The following PHACTR2 variants were observed in gnomAD, a reference collection of about 807,000 sequenced individuals.
PHACTR2 encodes the protein phosphatase and actin regulator 2, also known as chromosome 6 open reading frame 56.
PHACTR2 carries 30 observed loss-of-function variants against 76.0 expected under a neutral mutation model. The observed-to-expected ratio is 0.39, with a 90% CI of 0.30 to 0.54. The LOEUF (loss-of-function observed/expected upper bound fraction) is 0.54. Among genes scored for constraint, PHACTR2 ranks in the 20% least tolerant of loss-of-function variants. PHACTR2 has a pLI of 0.61. For missense variants in PHACTR2, 696 were observed against 781.1 expected (o/e 0.89, Z 1.30); for synonymous variants, 292 against 292.5 (o/e 1.00, Z 0.02).
Position 143,618,779 on chromosome 6 carries a change from C to T in PHACTR2, c.13+10457C>T, listed in dbSNP as rs144061269. Among the ~76,000 whole-genome samples, 43 of 152,252 alleles carry T rather than the reference C, an allele frequency of 2.8e-4. No individual in the cohort carries two copies. In the East Asian group the frequency reaches 7.2e-3, roughly 25 times the overall value. On this transcript the variant is annotated intron_variant, in intron 1 of 11. Coordinates refer to the PHACTR2 transcript ENST00000305766. The surrounding 1 kb of genome is among the most constrained non-coding windows in gnomAD (Gnocchi z 5.2). ...TTGCTCCAAACCATCCTCAACTCCT[C>T]TGGATAGAATGAGTGTTCTCACTCC... is the stretch of plus-strand genomic sequence containing the variant.
chr6:143,698,408 G>A lies in PHACTR2; in HGVS notation c.47-13608G>A, dbSNP rs1777821813. ...ACTAGTGGAATTGTTTCTCTCAAGA[G>A]AATTAGGTGTACAAACCAAGGAATG... On this transcript the variant is annotated intron_variant, in intron 1 of 12. Transcript: ENST00000440869. The surrounding 1 kb of genome is among the most constrained non-coding windows in gnomAD (Gnocchi z 4.3). 6.6e-6 allele frequency among the ~76,000 whole-genome samples: 1 copy of A among 152,190 alleles called. No individual in the cohort carries two copies. Among genetic ancestry groups the A allele is most frequent in the African/African-American group, 2.4e-5 (1 of 41,444 alleles).
At position 143,549,311 on chromosome 6, in the gene PHACTR2, C is replaced by T. The variant is rs867314321; in HGVS notation, c.217+12104C>T. ...TCAAACCCTTGCTTTCTGGGGATTACGTCCCCAAGGGTGACCCTGGATTCA... is the reference window on the plus strand; with the variant it reads ...TCAAACCCTTGCTTTCTGGGGATTATGTCCCCAAGGGTGACCCTGGATTCA... On this transcript the variant is annotated intron_variant, in intron 1 of 11. Transcript: ENST00000367584. The surrounding 1 kb of genome is among the most constrained non-coding windows in gnomAD (Gnocchi z 4.2). 9.9e-5 allele frequency among the ~76,000 whole-genome samples: 15 copies of T among 152,212 alleles called. No individual in the cohort carries two copies. The Middle Eastern group carries it at 0.01, about 104-fold the overall frequency.
Position 143,784,782 on chromosome 6 carries a change from C to T in PHACTR2, c.1707+1502C>T, listed in dbSNP as rs114637778. On this transcript the variant is annotated intron_variant, in intron 10 of 12. Coordinates refer to ENST00000440869, the MANE Select transcript of PHACTR2 (RefSeq NM_001100164.2). The surrounding 1 kb of genome is among the most constrained non-coding windows in gnomAD (Gnocchi z 4.5). Reference sequence around the variant, plus strand: ...GCAAAAGGCTCTTCTAACATGGTGGCGGCAAAAGAAAATGAGGAGGGGAAG... The same window carrying T: ...GCAAAAGGCTCTTCTAACATGGTGGTGGCAAAAGAAAATGAGGAGGGGAAG... Among the ~76,000 whole-genome samples the T allele has an allele frequency of 6.2e-3, 939 of 152,092 alleles. 7 individuals are homozygous for T. Among genetic ancestry groups the T allele is most frequent in the Middle Eastern group, 0.01 (3 of 294 alleles).
chr6:143,718,106 T>A (rs1174630795), intron 2 of PHACTR2, among the ~76,000 whole-genome samples: 1 of 152,148 alleles, frequency 6.6e-6, no homozygotes, highest in Non-Finnish European at 1.5e-5. Flanking sequence ...TTTGTGTTGG[T>A]GGTAATAGAA....
At chr6:143,723,686 G>T (rs138868903) in intron 2 of PHACTR2, among the ~76,000 whole-genome samples, 1 of 152,134 alleles carries the variant, frequency 6.6e-6, no homozygotes, top group Non-Finnish European at 1.5e-5. Flanking sequence ...CAGAGTATAC[G>T]TGGAGATCGA....
At chr6:143,707,854 ATAAT>A (rs1778088438) in intron 1 of PHACTR2, among the ~76,000 whole-genome samples, 1 of 152,186 alleles carries the variant, frequency 6.6e-6, no homozygotes, top group South Asian at 2.1e-4. Flanking sequence ...CAGGAAACTT[ATAAT>A]CATGGCACGT....
intron 1 of PHACTR2, among the ~76,000 whole-genome samples, chr6:143,572,265 C>A (rs1775453735): frequency 1.3e-5 from 2 of 152,128 alleles, no homozygotes; most frequent in African/African-American, 4.8e-5. Flanking sequence ...TGACACCTTC[C>A]CTCTTTGCTG....
intron 9 of PHACTR2, among the ~76,000 whole-genome samples, chr6:143,781,005 A>G (rs1775415900): frequency 6.6e-6 from 1 of 152,216 alleles, no homozygotes; most frequent in Non-Finnish European, 1.5e-5. Context: ...AGAAGCTGTC[A>G]TGGTAGCTCA....
intron 12 of PHACTR2, among the ~76,000 whole-genome samples, chr6:143,817,981 A>G (rs1383554386): frequency 6.6e-6 from 1 of 152,214 alleles, no homozygotes; most frequent in East Asian, 1.9e-4. Flanking sequence ...AAAAAGCTAG[A>G]AGAGAGAATT....
At position 143,751,956 on chromosome 6, in the gene PHACTR2, A is replaced by G. The variant is rs1481375612; in HGVS notation, c.296-1798A>G. Among the ~76,000 whole-genome samples the G allele has an allele frequency of 6.6e-6, 1 of 152,082 alleles. No individual in the cohort carries two copies. Among genetic ancestry groups the G allele is most frequent in the Non-Finnish European group, 1.5e-5 (1 of 67,994 alleles). ...CCTCTGTTTTGTTCTTGAATTCCAT[A>G]TTTATCACAAATGTGTCTCTTTTTT... On this transcript the variant is annotated intron_variant, in intron 3 of 12. Coordinates refer to ENST00000440869, the MANE Select transcript of PHACTR2 (RefSeq NM_001100164.2). The surrounding 1 kb of genome is among the most constrained non-coding windows in gnomAD (Gnocchi z 5.7).
chr6:143,718,467 T>C (rs992244640), intron 2 of PHACTR2, among the ~76,000 whole-genome samples: 4 of 152,328 alleles, frequency 2.6e-5, no homozygotes, highest in Admixed American at 1.3e-4. Context: ...CATTCACTAG[T>C]TGCATCTCTA....
At chr6:143,744,227 G>A (rs535466577) in intron 2 of PHACTR2, among the ~76,000 whole-genome samples, 1 of 152,346 alleles carries the variant, frequency 6.6e-6, no homozygotes. Context: ...GGAGAAGACA[G>A]AAGATTCTTG....
rs746725445 is a variant in PHACTR2, at chr6:143,753,776, T to C, written c.318T>C (p.Phe106=). The part of the protein sequence containing the change: ...PDQDGDVTVN[F]ENSNGHMIPI... ...TAGATGGAGATGTAACAGTTAACTT[T>C]GAAAATTCAAACGGGCACATGATAC... The change falls in exon 4 of 13, where the codon TTT becomes TTC. Residue 106 remains phenylalanine, a synonymous_variant. Transcript: ENST00000440869. This position sits in a 1 kb window ranked among gnomAD's most constrained non-coding sequence, Gnocchi z 4.6. 1.9e-6 allele frequency: 3 copies of C among 1,600,272 alleles called. No homozygotes were observed. Among genetic ancestry groups the C allele is most frequent in the African/African-American group, 2.7e-5 (2 of 73,990 alleles).
rs1426278980 is a variant in PHACTR2 at position 143,619,625 on chromosome 6, C to T, written c.13+11303C>T. 1.3e-5 allele frequency among the ~76,000 whole-genome samples: 2 copies of T among 152,148 alleles called. No individual in the cohort carries two copies. The highest frequency in any genetic ancestry group is 4.8e-5 in the African/African-American group (2 of 41,428). On this transcript the variant is annotated intron_variant, in intron 1 of 11. Coordinates refer to the PHACTR2 transcript ENST00000305766. The surrounding 1 kb of genome is among the most constrained non-coding windows in gnomAD (Gnocchi z 4.5). ...CCTCCACTTACTGTGGAAAGGGACT[C>T]GGTAGCTTTTGTATCATTAACTGAG... is the stretch of plus-strand genomic sequence containing the variant.
rs1007512497 is a variant in PHACTR2 at position 143,819,718 on chromosome 6, G to T, written c.1923-3956G>T. ...ACATAGTCTCCTTTTCTCTGTTTTT[G>T]TCCTCTCTGGCTCTCTGGCAGATTG... is the stretch of plus-strand genomic sequence containing the variant. On this transcript the variant is annotated intron_variant, in intron 12 of 12. Transcript: ENST00000440869. The surrounding 1 kb of genome is among the most constrained non-coding windows in gnomAD (Gnocchi z 5.0). Among the ~76,000 whole-genome samples the T allele has an allele frequency of 3.9e-5, 6 of 152,088 alleles. No homozygotes were observed. Among genetic ancestry groups the T allele is most frequent in the African/African-American group, 1.4e-4 (6 of 41,404 alleles).
rs1329846681 is a variant in PHACTR2 at position 143,662,704 on chromosome 6, A to G, written c.14-49312A>G. Among the ~76,000 whole-genome samples, 2 of 152,088 alleles carry G rather than the reference A, an allele frequency of 1.3e-5. No individual in the cohort carries two copies. Among genetic ancestry groups the G allele is most frequent in the Non-Finnish European group, 2.9e-5 (2 of 68,014 alleles). On this transcript the variant is annotated intron_variant, in intron 1 of 11. Transcript: ENST00000305766. The surrounding 1 kb of genome is among the most constrained non-coding windows in gnomAD (Gnocchi z 4.7). Reference sequence around the variant, plus strand: ...TTTTGTTTTTCATCTTGAATTGTGAATTGTCTTCACCTATATTACAATTAG... The same window carrying G: ...TTTTGTTTTTCATCTTGAATTGTGAGTTGTCTTCACCTATATTACAATTAG...
At position 143,698,370 on chromosome 6, in the gene PHACTR2, T is replaced by G. The variant is rs1777820801; in HGVS notation, c.47-13646T>G. 1.3e-5 allele frequency among the ~76,000 whole-genome samples: 2 copies of G among 152,248 alleles called. No homozygotes were observed. Among genetic ancestry groups the G allele is most frequent in the African/African-American group, 4.8e-5 (2 of 41,460 alleles). ...AAGGCATCATTATTATAAAATTATT[T>G]TTTTAAAAAGCAACTAGTGGAATTG... On this transcript the variant is annotated intron_variant, in intron 1 of 12. Transcript: ENST00000440869. This position sits in a 1 kb window ranked among gnomAD's most constrained non-coding sequence, Gnocchi z 4.3.
At position 143,800,537 on chromosome 6, in the gene PHACTR2, A is replaced by C. The variant is rs1190705944; in HGVS notation, c.1846-6520A>C. ...CGGCCTCCCAAAGTGCTGGGATTAC[A>C]GGTGTGAGCCACCGCACCCAGCCCA... is the stretch of plus-strand genomic sequence containing the variant. On this transcript the variant is annotated intron_variant, in intron 11 of 12. Transcript: ENST00000440869. The surrounding 1 kb of genome is among the most constrained non-coding windows in gnomAD (Gnocchi z 4.8). 6.6e-6 allele frequency among the ~76,000 whole-genome samples: 1 copy of C among 152,182 alleles called. No homozygotes were observed. Among genetic ancestry groups the C allele is most frequent in the Non-Finnish European group, 1.5e-5 (1 of 68,046 alleles).
rs200513974 is a variant in PHACTR2 at position 143,573,304 on chromosome 6, C to T, written c.217+36097C>T. Among the ~76,000 whole-genome samples, 15 of 152,322 alleles carry T rather than the reference C, an allele frequency of 9.8e-5. No homozygotes were observed. In the East Asian group the frequency reaches 1.9e-3, roughly 20 times the overall value. On this transcript the variant is annotated intron_variant, in intron 1 of 11. Transcript: ENST00000367584. ...GGCTTTGGCCAGTCATCAATGGCTGCGTGCTTGGTTTAAGGGTGTGTCCTT... is the reference window on the plus strand; with the variant it reads ...GGCTTTGGCCAGTCATCAATGGCTGTGTGCTTGGTTTAAGGGTGTGTCCTT...
Sources: allele counts gnomAD v4.1 joint callset (sites outside exome capture counted in the v4.1 genomes callset), GRCh38; gene constraint gnomAD v4.1.1; non-coding constraint Gnocchi (gnomAD v3.1); transcripts MANE v1.5; gene names NCBI Gene and HGNC (gene_info 2026-07-23, HGNC 2026-07-21).